AMOT: variants seen among roughly 807,000 people sequenced by gnomAD.
AMOT encodes the protein angiomotin.
A neutral mutation model predicts 67.0 loss-of-function variants in AMOT; 11 were observed. That is an observed-to-expected ratio of 0.16 (90% CI 0.10 to 0.27). The LOEUF (loss-of-function observed/expected upper bound fraction) is 0.27. Ranked by LOEUF, AMOT falls within the 10% of genes least tolerant of loss-of-function variation. The probability of loss-of-function intolerance (pLI) is 1.00; values close to 1 mark genes in which losing one functional copy is unlikely to be tolerated. For missense variants in AMOT, 753 were observed against 852.0 expected (o/e 0.88, Z 1.45); for synonymous variants, 326 against 321.4 (o/e 1.01, Z -0.15).
intron 7 of AMOT, among the ~76,000 whole-genome samples, chrX:112,807,718 G>C (rs1354994584): frequency 8.9e-6 from 1 of 111,925 alleles, no homozygotes; most frequent in Non-Finnish European, 1.9e-5. Flanking sequence ...TTAAGTGAAA[G>C]AAATGTTAGA....
chrX:112,781,028 C>G lies in AMOT; in HGVS notation c.2331G>C (p.Glu777Asp). The change falls in exon 12 of 14, where the codon GAG (glutamate) becomes GAC (aspartate). Residue 777 changes from glutamate (E) to aspartate (D), a missense_variant. This residue lies in a region of AMOT where 269 missense variants were observed against 300.9 expected (regional missense o/e 0.89). Coordinates refer to ENST00000371959, the MANE Select transcript of AMOT (RefSeq NM_001113490.2). ...QRSRKEPSKT[E>D]QLSCMRPAKS... Reference sequence around the variant, plus strand: ...TCGCTGGCCGCATGCACGACAGCTGCTCTGTCTTGCTCGGCTCCTTCCGGG... The same window carrying G: ...TCGCTGGCCGCATGCACGACAGCTGGTCTGTCTTGCTCGGCTCCTTCCGGG... 2 of 1,211,997 alleles carry G rather than the reference C, an allele frequency of 1.7e-6. No homozygotes were observed. Among genetic ancestry groups the G allele is most frequent in the Non-Finnish European group, 2.2e-6 (2 of 895,585 alleles).
At chrX:112,789,433 C>T (rs962443965) in intron 10 of AMOT, among the ~76,000 whole-genome samples, 1 of 110,659 alleles carries the variant, frequency 9.0e-6, no homozygotes, top group Non-Finnish European at 1.9e-5. Flanking sequence ...AATCAAGCCA[C>T]AGGCAGCTTC....
intron 7 of AMOT, among the ~76,000 whole-genome samples, chrX:112,806,984 C>A (rs747028846): frequency 8.9e-6 from 1 of 111,922 alleles, no homozygotes; most frequent in East Asian, 2.8e-4. Context: ...ATGAAATATG[C>A]CAGAGCATTC....
chrX:112,836,729 T>C (rs773094078), intron 1 of AMOT, among the ~76,000 whole-genome samples: 5 of 109,219 alleles, frequency 4.6e-5, no homozygotes, highest in Non-Finnish European at 9.5e-5. Context: ...AGGATCTTTT[T>C]TTCTTTAACA....
intron 7 of AMOT, among the ~76,000 whole-genome samples, chrX:112,806,629 T>C (rs1263846993): frequency 9.0e-6 from 1 of 110,779 alleles, no homozygotes; most frequent in Non-Finnish European, 1.9e-5. Context: ...TAGCCAAAAC[T>C]ATAATTTTTA....
In AMOT at chrX:112,775,198, A is replaced by C. The variant is rs965271388; in HGVS notation, c.*3369T>G. ...ACTGATGATGGATGGCACTTGGAAGACATATTTCCAAGAATCGTGGCAGGC... is the reference window on the plus strand; with the variant it reads ...ACTGATGATGGATGGCACTTGGAAGCCATATTTCCAAGAATCGTGGCAGGC... On this transcript the variant is annotated 3_prime_UTR_variant, in exon 14 of 14. Transcript: ENST00000371959. 4.4e-5 allele frequency: 5 copies of C among 112,690 alleles called. No homozygotes were observed. Among genetic ancestry groups the C allele is most frequent in the Non-Finnish European group, 9.4e-5 (5 of 53,319 alleles). 9.3% of individuals were successfully genotyped at this position (112,690 alleles called of 1,213,427 possible).
intron 8 of AMOT, among the ~76,000 whole-genome samples, chrX:112,795,248 CTGTGTG>C (rs575390682): frequency 2.3e-4 from 24 of 104,215 alleles, no homozygotes; most frequent in African/African-American, 6.4e-4. Flanking sequence ...GTCTCTCTCT[CTGTGTG>C]TGTGTGTGTG....
At chrX:112,784,332 C>T (rs1356289403) in intron 10 of AMOT, among the ~76,000 whole-genome samples, 2 of 112,392 alleles carry the variant, frequency 1.8e-5, no homozygotes, top group East Asian at 5.6e-4. Context: ...AGTCAAATTA[C>T]CTGCTCTAAG....
intron 1 of AMOT, among the ~76,000 whole-genome samples, chrX:112,835,057 C>A (rs903296385): frequency 8.9e-6 from 1 of 112,355 alleles, no homozygotes; most frequent in Non-Finnish European, 1.9e-5. Flanking sequence ...TAAAAAGGAA[C>A]ACCTGCTCAA....
intron 2 of AMOT, among the ~76,000 whole-genome samples, 196 bp from the exon 3 acceptor site, chrX:112,825,416 G>A (rs942903020): frequency 4.5e-5 from 5 of 111,600 alleles, no homozygotes; most frequent in African/African-American, 6.5e-5. Flanking sequence ...AGCTGTGTCC[G>A]GAAGGCCAGG....
chrX:112,784,593 GA>G (rs1260458220), intron 10 of AMOT, among the ~76,000 whole-genome samples: 1 of 111,834 alleles, frequency 8.9e-6, no homozygotes, highest in East Asian at 2.8e-4. Context: ...GTCTCTCAAA[GA>G]AAAAGAGAAG....
rs555419388 is a variant in AMOT at position 112,781,912 on chromosome X, G to A, written c.2240+628C>T. On this transcript the variant is annotated intron_variant, in intron 11 of 13. Transcript: ENST00000371959. ...TTCTTTTTGTTGTTGTTGTTGAGAC[G>A]GACTCTAGCTCTGTCGCTCAGGCTG... 2.7e-5 allele frequency among the ~76,000 whole-genome samples: 3 copies of A among 111,475 alleles called. No individual in the cohort carries two copies. In the South Asian group the frequency reaches 1.1e-3, roughly 42 times the overall value.
In AMOT at chrX:112,777,461, T is replaced by C. The variant is rs1932968099; in HGVS notation, c.*1106A>G. ...ACTGCAGCATAGTACTTTGGGTTTCTCAAGCTATTCCCTTGGAGGTGATAG... is the reference window on the plus strand; with the variant it reads ...ACTGCAGCATAGTACTTTGGGTTTCCCAAGCTATTCCCTTGGAGGTGATAG... On this transcript the variant is annotated 3_prime_UTR_variant, in exon 14 of 14. Coordinates refer to ENST00000371959, the MANE Select transcript of AMOT (RefSeq NM_001113490.2). 8.9e-6 allele frequency: 1 copy of C among 112,426 alleles called. No individual in the cohort carries two copies. Among genetic ancestry groups the C allele is most frequent in the Non-Finnish European group, 1.9e-5 (1 of 53,339 alleles). The allele number at this position is 112,426 out of a possible 1,213,427, so 9.3% of individuals were successfully genotyped here.
At position 112,811,251 on chromosome X, in the gene AMOT, C is replaced by G. The variant is rs373668134; in HGVS notation, c.1535G>C (p.Arg512Thr). ...GACAAGTCTGTTGGTTCCCTCACCT[C>G]TCAGATCCCTGTTGAAATCATGCAT... is the stretch of plus-strand genomic sequence containing the variant. ...RRMHDFNRDLRERLETANKQL... is the reference protein window; with the variant it reads ...RRMHDFNRDLTERLETANKQL... Residue 512 changes from arginine (R) to threonine (T), a missense_variant and splice_region_variant, in exon 6 of 14, where the codon AGA (arginine) becomes ACA (threonine). Physicochemically the swap from Arg to Thr is moderately conservative, Grantham distance 71. Transcript: ENST00000371959. 7.4e-6 allele frequency: 9 copies of G among 1,209,043 alleles called. No individual in the cohort carries two copies. The South Asian group carries it at 1.4e-4, about 19-fold the overall frequency.
chrX:112,818,890 C>G (rs113491761), intron 4 of AMOT, among the ~76,000 whole-genome samples: 1,563 of 110,999 alleles, frequency 0.014, 22 homozygotes, highest in African/African-American at 0.049. Context: ...ACAACAGAAT[C>G]ACATGATTCC....
At position 112,818,845 on chromosome X, in the gene AMOT, T is replaced by A. The variant is rs893648466; in HGVS notation, c.873-2968A>T. 4.5e-5 allele frequency among the ~76,000 whole-genome samples: 5 copies of A among 111,224 alleles called. No homozygotes were observed. In the East Asian group the frequency reaches 1.4e-3, roughly 32 times the overall value. On this transcript the variant is annotated intron_variant, in intron 4 of 13. Transcript: ENST00000371959. ...CACAGCAGCCTGAATCGCTCCCCAC[T>A]GACACGTTAACCAGGAACAACAAGC...
chrX:112,840,404 T>C (rs1016118016), intron 1 of AMOT, 48 bp downstream of exon 1: 3 of 112,741 alleles, frequency 2.7e-5, no homozygotes, highest in Non-Finnish European at 3.7e-5. Context: ...CATGCCACCA[T>C]GGATTCCTGC....
rs530923573 is a variant in AMOT at position 112,806,949 on chromosome X, C to T, written c.1631-1857G>A. Among the ~76,000 whole-genome samples the T allele has an allele frequency of 4.5e-5, 5 of 112,065 alleles. No individual in the cohort carries two copies. In the East Asian group the frequency reaches 1.4e-3, roughly 31 times the overall value. On this transcript the variant is annotated intron_variant, in intron 7 of 13. Transcript: ENST00000371959. Reference sequence around the variant, plus strand: ...TGAAATGGACCCCTTGTGACTCCAGCAGGGAGAGGGAAAAAGGAACCATTA... The same window carrying T: ...TGAAATGGACCCCTTGTGACTCCAGTAGGGAGAGGGAAAAAGGAACCATTA...
At chrX:112,818,242 A>G (rs1934621025) in intron 4 of AMOT, among the ~76,000 whole-genome samples, 3 of 111,108 alleles carry the variant, frequency 2.7e-5, no homozygotes, top group Non-Finnish European at 5.7e-5. Context: ...CTCATCAAGC[A>G]ACCCAGGCCT....
Sources: allele counts gnomAD v4.1 joint callset (sites outside exome capture counted in the v4.1 genomes callset), GRCh38; gene constraint gnomAD v4.1.1; regional missense constraint gnomAD v4.1.1; transcripts MANE v1.5; gene names NCBI Gene and HGNC (gene_info 2026-07-23, HGNC 2026-07-21).